ZNF462: variants seen among roughly 807,000 people sequenced by gnomAD.
ZNF462 encodes the protein zinc finger PBX1-interacting protein.
In ZNF462, 10 loss-of-function variants were observed where a neutral mutation model predicts 201.9. The observed-to-expected ratio is 0.05, with a 90% confidence interval of 0.03 to 0.08. The LOEUF is 0.08. ZNF462 is among the 10% of genes least tolerant of loss of function. The probability of loss-of-function intolerance (pLI) is 1.00; values close to 1 mark genes in which losing one functional copy is unlikely to be tolerated. For synonymous variants in ZNF462, 1,227 were observed against 1,193.3 expected, an observed-to-expected ratio of 1.03 and a Z score of -0.58; for missense variants, 2,523 against 3,168.3, an observed-to-expected ratio of 0.80 and a Z score of 4.89.
In ZNF462 at chr9:106,984,362, A is replaced by T; in HGVS notation, c.7009A>T (p.Thr2337Ser). ...PYKCQLCYYE[T>S]KHTEELDSHL... ...CAAATGCCAGCTCTGCTACTATGAG[A>T]CCAAGCACACGGAGGAACTGGACAG... Residue 2337 changes from threonine (T) to serine (S), a missense_variant, in exon 10 of 13, where the codon ACC (threonine) becomes TCC (serine). Coordinates refer to ENST00000277225, the MANE Select transcript of ZNF462 (RefSeq NM_021224.6). The surrounding 1 kb of genome is among the most constrained non-coding windows in gnomAD (Gnocchi z 6.4). 6.2e-7 allele frequency: 1 copy of T among 1,614,016 alleles called. No individual in the cohort carries two copies. The highest frequency in any genetic ancestry group is 8.5e-7 in the Non-Finnish European group (1 of 1,179,964).
chr9:106,931,330 C>T (rs1230416768), intron 4 of ZNF462, among the ~76,000 whole-genome samples: 1 of 152,132 alleles, frequency 6.6e-6, no homozygotes, highest in Non-Finnish European at 1.5e-5. Context: ...TAGCAGCCAC[C>T]ATGTCAGTAA....
rs1398490792 is a variant in ZNF462 at position 106,886,805 on chromosome 9, C to CA, written c.-31+23452dup. 6.6e-6 allele frequency among the ~76,000 whole-genome samples: 1 copy of CA among 152,082 alleles called. No individual in the cohort carries two copies. Among genetic ancestry groups the CA allele is most frequent in the Non-Finnish European group, 1.5e-5 (1 of 68,024 alleles). ...GGCAGATAGCTTCTATTTCTCGTGC[C>CA]AATTTTGATTGATTGGTGGAGAATG... On this transcript the variant is annotated intron_variant, in intron 1 of 12. Transcript: ENST00000277225. The surrounding 1 kb of genome is among the most constrained non-coding windows in gnomAD (Gnocchi z 4.6).
At chr9:106,868,235 C>T (rs1190267340) in intron 1 of ZNF462, among the ~76,000 whole-genome samples, 1 of 152,110 alleles carries the variant, frequency 6.6e-6, no homozygotes, top group Non-Finnish European at 1.5e-5. Context: ...GAAGAAAATT[C>T]CTCTCCTTGT....
chr9:106,914,609 C>CGT (rs1248954439), intron 1 of ZNF462, among the ~76,000 whole-genome samples: 1 of 152,150 alleles, frequency 6.6e-6, no homozygotes, highest in Admixed American at 6.5e-5. Flanking sequence ...CTTCATTCAG[C>CGT]GTATATTTCT....
At chr9:106,948,923 T>C (rs937363457) in intron 7 of ZNF462, among the ~76,000 whole-genome samples, 1 of 152,120 alleles carries the variant, frequency 6.6e-6, no homozygotes, top group African/African-American at 2.4e-5. Context: ...TTTGAGATTT[T>C]GCCAATCAAA....
rs1477981410 is a variant in ZNF462 at position 106,926,091 on chromosome 9, G to A, written c.2179G>A (p.Glu727Lys). The change falls in exon 3 of 13, where the codon GAG becomes AAG. Residue 727 changes from glutamate (E) to lysine (K), a missense_variant. Glu to Lys is a moderately conservative substitution (Grantham distance 56). Transcript: ENST00000277225. The surrounding 1 kb of genome is among the most constrained non-coding windows in gnomAD (Gnocchi z 7.9). The part of the protein sequence containing the change: ...VINVEDDEEE[E>K]EDNEVEIEVE... ...CAATGTTGAGGATGATGAAGAGGAA[G>A]AGGAAGACAACGAAGTCGAGATAGA... 1.9e-6 allele frequency: 3 copies of A among 1,614,254 alleles called. No individual in the cohort carries two copies. The highest frequency in any genetic ancestry group is 2.5e-6 in the Non-Finnish European group (3 of 1,180,046).
rs1564062748 is a variant in ZNF462, at chr9:106,864,096, CTCTCTCTCTCT to C, written c.-31+742_-31+752del. ...TCTCTCTCTCTCTCTCTCTCTCTCT[CTCTCTCTCTCT>C]CTCCCTCTCCCCGAAGTTGGGATGC... On this transcript the variant is annotated intron_variant, in intron 1 of 12. Transcript: ENST00000277225. Among the ~76,000 whole-genome samples the C allele has an allele frequency of 1.5e-3, 193 of 127,288 alleles. 6 individuals are homozygous for C. The highest frequency in any genetic ancestry group is 2.6e-3 in the African/African-American group (88 of 34,162). The allele number at this position is 127,288 out of a possible 152,430, so 83.5% of individuals were successfully genotyped here.
chr9:106,948,691 A>C (rs1831214366), intron 7 of ZNF462, among the ~76,000 whole-genome samples: 3 of 151,618 alleles, frequency 2.0e-5, no homozygotes, highest in Admixed American at 2.0e-4. Context: ...ACTGAACCGT[A>C]CTACACAAAC....
chr9:106,887,872 C>G (rs971725078), intron 1 of ZNF462, among the ~76,000 whole-genome samples: 1 of 152,116 alleles, frequency 6.6e-6, no homozygotes. Flanking sequence ...TAAATTTTCT[C>G]GTAACACGAC....
At position 106,927,811 on chromosome 9, in the gene ZNF462, G is replaced by A. The variant is rs377681531; in HGVS notation, c.3899G>A (p.Arg1300Gln). 55 of 1,614,014 alleles carry A rather than the reference G, an allele frequency of 3.4e-5. No homozygotes were observed. Among genetic ancestry groups the A allele is most frequent in the Admixed American group, 5.0e-5 (3 of 60,002 alleles). Residue 1300 changes from arginine (R) to glutamine (Q), a missense_variant, in exon 3 of 13, where the codon CGA (arginine) becomes CAA (glutamine). By Grantham distance (43) the Arg-to-Gln change is conservative. Around this residue, in one of 15 missense-constraint regions of ZNF462, gnomAD observed 222 missense variants for 271.6 expected, o/e 0.82. Transcript: ENST00000277225. ...ALKATVTSIMRWAFLDGLIEA... is the reference protein window; with the variant it reads ...ALKATVTSIMQWAFLDGLIEA... ...AAAGCCACAGTCACGTCCATCATGC[G>A]ATGGGCATTTCTAGATGGCTTGATA...
At chr9:106,983,891 A>AATCCC (rs1400013143) in intron 9 of ZNF462, among the ~76,000 whole-genome samples, 54 of 152,146 alleles carry the variant, frequency 3.5e-4, no homozygotes, top group Non-Finnish European at 7.3e-4. Context: ...CCCTTGCCTT[A>AATCCC]ATCACCTCCA....
chr9:106,940,110 G>A (rs1473046743), intron 7 of ZNF462, among the ~76,000 whole-genome samples: 12 of 152,102 alleles, frequency 7.9e-5, no homozygotes, highest in Admixed American at 3.3e-4. Context: ...CACTTCTCTC[G>A]ATGATGGTCA....
rs1284661805 is a variant in ZNF462 at position 107,011,649 on chromosome 9, A to G, written c.*619A>G. ...AATGTAGAGAGAACTGCTGGGCAAG[A>G]TGGTGAATGGAGAAAAAAAAAGAGT... is the stretch of plus-strand genomic sequence containing the variant. On this transcript the variant is annotated 3_prime_UTR_variant, in exon 13 of 13. Transcript: ENST00000277225. The surrounding 1 kb of genome is among the most constrained non-coding windows in gnomAD (Gnocchi z 5.6). The G allele has an allele frequency of 2.6e-5, 4 of 152,086 alleles. No homozygotes were observed. The highest frequency in any genetic ancestry group is 9.7e-5 in the African/African-American group (4 of 41,432). The allele number at this position is 152,086 out of a possible 1,614,324, so 9.4% of individuals were successfully genotyped here.
intron 1 of ZNF462, among the ~76,000 whole-genome samples, chr9:106,903,850 G>T (rs1829159617): frequency 2.0e-5 from 3 of 152,114 alleles, no homozygotes; most frequent in Non-Finnish European, 4.4e-5. Context: ...GCAGATAGTT[G>T]GTTGGTGACT....
At chr9:106,863,064 A>AAG (rs1283336558), upstream of ZNF462, 9 of 390,104 alleles carry the variant, frequency 2.3e-5, no homozygotes, top group Non-Finnish European at 4.0e-5. Flanking sequence ...GAGGAGAGAG[A>AAG]AGAGGAGAGA....
rs910860630 is a variant in ZNF462 at position 107,008,808 on chromosome 9, C to T, written c.7190-737C>T. Among the ~76,000 whole-genome samples, 1 of 152,152 alleles carries T rather than the reference C, an allele frequency of 6.6e-6. No homozygotes were observed. The highest frequency in any genetic ancestry group is 2.4e-5 in the African/African-American group (1 of 41,434). ...TCAATATTTGATGTTTACAACAGAC[C>T]GTCCAGAAATGTCTGCATATCCCCG... is the stretch of plus-strand genomic sequence containing the variant. On this transcript the variant is annotated intron_variant, in intron 11 of 12. Transcript: ENST00000277225. This position sits in a 1 kb window ranked among gnomAD's most constrained non-coding sequence, Gnocchi z 4.8.
Position 106,923,596 on chromosome 9 carries a change from T to C in ZNF462, c.213T>C (p.Asp71=). The C allele has an allele frequency of 2.5e-6, 4 of 1,614,142 alleles. No homozygotes were observed. The highest frequency in any genetic ancestry group is 3.4e-6 in the Non-Finnish European group (4 of 1,179,972). The stretch of plus-strand genomic sequence containing the variant: ...AGGATGAATTTGCCATTGCAGAAGA[T>C]TTATCAGGTAAATCTATACTAAACT... ...SIKDEFAIAE[D]LSGQNATSLG... Residue 71 remains aspartate (D), a synonymous_variant, in exon 2 of 13, where the codon GAT becomes GAC. Coordinates refer to ENST00000277225, the MANE Select transcript of ZNF462 (RefSeq NM_021224.6). This position sits in a 1 kb window ranked among gnomAD's most constrained non-coding sequence, Gnocchi z 5.6.
rs1210441451 is a variant in ZNF462 at position 106,954,123 on chromosome 9, G to T, written c.6427+15016G>T. Among the ~76,000 whole-genome samples the T allele has an allele frequency of 3.9e-5, 6 of 152,092 alleles. No homozygotes were observed. The highest frequency in any genetic ancestry group is 1.4e-4 in the African/African-American group (6 of 41,422). On this transcript the variant is annotated intron_variant, in intron 7 of 12. Transcript: ENST00000277225. This position sits in a 1 kb window ranked among gnomAD's most constrained non-coding sequence, Gnocchi z 4.0. ...TCAGAAGTCTTTAACAGCTCTGCAT[G>T]GCCTGTGTATTAGTCCGTTTTCACA... is the stretch of plus-strand genomic sequence containing the variant.
intron 9 of ZNF462, among the ~76,000 whole-genome samples, chr9:106,980,847 G>T (rs1827371478): frequency 6.6e-6 from 1 of 152,136 alleles, no homozygotes; most frequent in South Asian, 2.1e-4. Flanking sequence ...GAGGTGTGAA[G>T]TCAAAAAGAC....
Sources: allele counts gnomAD v4.1 joint callset (sites outside exome capture counted in the v4.1 genomes callset), GRCh38; gene constraint gnomAD v4.1.1; regional missense constraint gnomAD v4.1.1; non-coding constraint Gnocchi (gnomAD v3.1); transcripts MANE v1.5; gene names NCBI Gene and HGNC (gene_info 2026-07-23, HGNC 2026-07-21).